Variants in TSPAN18 observed in about 807,000 individuals in gnomAD.
TSPAN18 encodes the protein tetraspanin 18.
In TSPAN18, 14 loss-of-function variants were observed where a neutral mutation model predicts 27.3. The observed-to-expected ratio is 0.51, with a 90% CI of 0.34 to 0.80. The LOEUF (loss-of-function observed/expected upper bound fraction) is 0.80. Ranked by LOEUF, TSPAN18 falls within the 30% of genes least tolerant of loss-of-function variation. The pLI is 0.01. For missense variants in TSPAN18, 268 were observed against 323.9 expected, an observed-to-expected ratio of 0.83 and a Z score of 1.32; for synonymous variants, 143 against 136.5, an observed-to-expected ratio of 1.05 and a Z score of -0.33.
chr11:44,790,154 T>TGTGTGTGTGTGC (rs1856159586), intron 2 of TSPAN18, among the ~76,000 whole-genome samples: 1 of 132,756 alleles, frequency 7.5e-6, no homozygotes, highest in African/African-American at 2.8e-5. Flanking sequence ...CGTGTGTGCA[T>TGTGTGTGTGTGC]GTGTGTGTGT....
intron 1 of TSPAN18, among the ~76,000 whole-genome samples, chr11:44,734,695 C>A (rs1366891020): frequency 6.6e-6 from 1 of 152,174 alleles, no homozygotes; most frequent in African/African-American, 2.4e-5. Context: ...GAATTTGGAG[C>A]CCTGGGTCTT....
Position 44,919,897 on chromosome 11 carries a change from G to C in TSPAN18, c.513G>C (p.Glu171Asp). The change falls in exon 8 of 10, where the codon GAG becomes GAC. Residue 171 changes from glutamate to aspartate, a missense_variant. Transcript: ENST00000520358. ...VFRLLTLDSE[E>D]VPEACCRREP... ...GACTCCTGACCCTGGATAGTGAAGA[G>C]GTGCCGGAGGCCTGCTGCCGGAGGG... The C allele has an allele frequency of 6.2e-6, 10 of 1,614,246 alleles. No individual in the cohort carries two copies. Among genetic ancestry groups the C allele is most frequent in the Non-Finnish European group, 8.5e-6 (10 of 1,180,044 alleles).
chr11:44,851,615 T>TCCCCCCCCC (rs35373492), intron 2 of TSPAN18, among the ~76,000 whole-genome samples: 48 of 122,748 alleles, frequency 3.9e-4, no homozygotes, highest in Non-Finnish European at 7.6e-4. Context: ...TCTTGTCACC[T>TCCCCCCCCC]CCCCCCCCCA....
intron 3 of TSPAN18, among the ~76,000 whole-genome samples, chr11:44,890,941 G>T (rs970363563): frequency 1.3e-5 from 2 of 152,140 alleles, no homozygotes; most frequent in African/African-American, 4.8e-5. Context: ...GGAGACCAAG[G>T]CAGGAGATTG....
intron 2 of TSPAN18, among the ~76,000 whole-genome samples, chr11:44,796,671 G>A (rs963008901): frequency 1.3e-5 from 2 of 152,144 alleles, no homozygotes; most frequent in African/African-American, 4.8e-5. Flanking sequence ...GACCTGAGAA[G>A]GACAAGGATA....
intron 3 of TSPAN18, among the ~76,000 whole-genome samples, chr11:44,890,369 GTA>G (rs1858803852): frequency 3.9e-5 from 6 of 152,336 alleles, no homozygotes; most frequent in African/African-American, 1.4e-4. Flanking sequence ...ACTGTTAGCA[GTA>G]CTTGTGACTT....
intron 2 of TSPAN18, among the ~76,000 whole-genome samples, chr11:44,858,776 G>T (rs181565562): frequency 3.4e-4 from 52 of 152,270 alleles, no homozygotes; most frequent in Non-Finnish European, 6.0e-4. Flanking sequence ...GGCCAAGAGT[G>T]GGGACTGGGA....
chr11:44,739,846 T>C (rs949806973), intron 1 of TSPAN18, among the ~76,000 whole-genome samples: 2 of 152,138 alleles, frequency 1.3e-5, no homozygotes, highest in African/African-American at 4.8e-5. Flanking sequence ...GTGCTTGAGG[T>C]TGGAGGAACC....
intron 1 of TSPAN18, among the ~76,000 whole-genome samples, chr11:44,753,613 T>C (rs1298798699): frequency 1.3e-5 from 2 of 152,354 alleles, no homozygotes; most frequent in Admixed American, 1.3e-4. Context: ...CTGAGTTTTT[T>C]GAGATCATGG....
chr11:44,792,623 G>C (rs755876306), intron 2 of TSPAN18, among the ~76,000 whole-genome samples: 28 of 152,304 alleles, frequency 1.8e-4, no homozygotes, highest in Non-Finnish European at 3.7e-4. Context: ...TCCATCATGG[G>C]CTTTGGTGGA....
chr11:44,773,098 T>C (rs897574327), intron 2 of TSPAN18, among the ~76,000 whole-genome samples: 2 of 152,144 alleles, frequency 1.3e-5, no homozygotes, highest in Non-Finnish European at 2.9e-5. Flanking sequence ...AAAAATATGC[T>C]CATTTGAAGC....
At chr11:44,738,282 G>A (rs913150695) in intron 1 of TSPAN18, among the ~76,000 whole-genome samples, 2 of 152,146 alleles carry the variant, frequency 1.3e-5, no homozygotes, top group Admixed American at 6.5e-5. Flanking sequence ...TACTTGCAGG[G>A]TGCCAGGCCC....
chr11:44,797,577 C>T (rs928388771), intron 2 of TSPAN18, among the ~76,000 whole-genome samples: 4 of 152,100 alleles, frequency 2.6e-5, no homozygotes, highest in Admixed American at 6.6e-5. Flanking sequence ...AAAATGGGGA[C>T]GGGAGCAAAC....
chr11:44,758,570 T>G (rs1855383703), intron 1 of TSPAN18, among the ~76,000 whole-genome samples: 1 of 152,222 alleles, frequency 6.6e-6, no homozygotes, highest in South Asian at 2.1e-4. Flanking sequence ...CTCAGTGCCC[T>G]TTTTACAGAA....
intron 2 of TSPAN18, among the ~76,000 whole-genome samples, chr11:44,807,141 T>G (rs1856609289): frequency 7.3e-6 from 1 of 137,542 alleles, no homozygotes; most frequent in Non-Finnish European, 1.5e-5. Flanking sequence ...GAGGATCACT[T>G]GAGGCCAGGA....
intron 2 of TSPAN18, among the ~76,000 whole-genome samples, chr11:44,808,301 A>G (rs1034616541): frequency 2.0e-5 from 3 of 152,238 alleles, no homozygotes; most frequent in African/African-American, 7.2e-5. Flanking sequence ...ATCTTCCTCC[A>G]GCATCTTGAG....
chr11:44,851,632 G>A (rs112894613), intron 2 of TSPAN18, among the ~76,000 whole-genome samples: 1,517 of 130,030 alleles, frequency 0.012, 40 homozygotes, highest in African/African-American at 0.04. Context: ...CCCAACGGCT[G>A]GGTCCCTGTC....
chr11:44,728,786 C>T (rs1854580973), intron 1 of TSPAN18, among the ~76,000 whole-genome samples: 2 of 152,196 alleles, frequency 1.3e-5, no homozygotes, highest in African/African-American at 4.8e-5. Context: ...TGAGGACTGT[C>T]ATCTTTGTCA....
intron 1 of TSPAN18, among the ~76,000 whole-genome samples, chr11:44,735,079 T>G (rs1854757387): frequency 6.6e-6 from 1 of 152,194 alleles, no homozygotes; most frequent in Non-Finnish European, 1.5e-5. Flanking sequence ...GGTTCTGAGA[T>G]GCGCATTCTT....
Sources: allele counts gnomAD v4.1 joint callset (sites outside exome capture counted in the v4.1 genomes callset), GRCh38; gene constraint gnomAD v4.1.1; transcripts MANE v1.5; gene names NCBI Gene and HGNC (gene_info 2026-07-23, HGNC 2026-07-21).